COL1A2: variants seen among roughly 807,000 people sequenced by gnomAD.
COL1A2 encodes the protein collagen alpha-2(I) chain.
Under a neutral mutation model 174.3 loss-of-function variants are expected in COL1A2, and 49 were observed. The observed-to-expected ratio is 0.28, with a 90% CI of 0.22 to 0.36. The LOEUF (loss-of-function observed/expected upper bound fraction) is 0.36, where lower values mean the gene tolerates loss of function less well. Among genes scored for constraint, COL1A2 ranks in the 10% least tolerant of loss-of-function variants. The pLI, the probability that COL1A2 is intolerant of heterozygous loss-of-function variation, is 1.00. For missense variants in COL1A2, 1,438 were observed against 1,822.7 expected (o/e 0.79, Z 3.84); for synonymous variants, 655 against 606.6 (o/e 1.08, Z -1.17).
chr7:94,410,321 T>A (rs769790753), intron 20 of COL1A2, 26 bp downstream of exon 20: 3 of 1,613,544 alleles, frequency 1.9e-6, no homozygotes, highest in Non-Finnish European at 2.5e-6. Flanking sequence ...ATCACACTTT[T>A]ATAAAGTTAA....
chr7:94,410,838 C>A (rs745601526), intron 21 of COL1A2, 51 bp from the exon 22 acceptor site: 4 of 1,589,330 alleles, frequency 2.5e-6, no homozygotes, highest in Admixed American at 1.7e-5. Context: ...TCTACCTTAT[C>A]AAAGCCAAGA....
intron 5 of COL1A2, 96 bp downstream of exon 5, chr7:94,400,384 C>T (rs1205324082): frequency 1.9e-6 from 2 of 1,072,726 alleles, no homozygotes; most frequent in African/African-American, 1.6e-5. Flanking sequence ...ATAATTCTTC[C>T]ATTTGAAAAT....
chr7:94,428,591 G>A, intron 50 of COL1A2, 114 bp downstream of exon 50: 9 of 1,022,626 alleles, frequency 8.8e-6, no homozygotes, highest in Non-Finnish European at 1.3e-5. Context: ...AAAAAGACCT[G>A]TTCCTTTCCT....
At position 94,402,654 on chromosome 7, in the gene COL1A2, A is replaced by G. The variant is rs189395256; in HGVS notation, c.279+1034A>G. Reference sequence around the variant, plus strand: ...ATAGAGGGGAAAACTGCCAGAAGTCAAAGTGTTAGGTTGATTAAGCACTAC... The same window carrying G: ...ATAGAGGGGAAAACTGCCAGAAGTCGAAGTGTTAGGTTGATTAAGCACTAC... On this transcript the variant is annotated intron_variant, in intron 6 of 51. Transcript: ENST00000297268. Among the ~76,000 whole-genome samples, 9 of 152,276 alleles carry G rather than the reference A, an allele frequency of 5.9e-5. No homozygotes were observed. In the East Asian group the frequency reaches 1.4e-3, roughly 23 times the overall value.
At chr7:94,422,854 T>C in intron 39 of COL1A2, 103 bp from the exon 40 acceptor site, 1 of 1,351,704 alleles carries the variant, frequency 7.4e-7, no homozygotes, top group Non-Finnish European at 1.1e-6. Flanking sequence ...TATTATTTTA[T>C]TGCATCACAT....
In COL1A2 at chr7:94,422,715, CAT is replaced by C; in HGVS notation, c.2404-240_2404-239del. 5.8e-6 allele frequency: 3 copies of C among 520,536 alleles called. No homozygotes were observed. The South Asian group carries it at 6.4e-5, about 11-fold the overall frequency. 32.2% of individuals were successfully genotyped at this position (520,536 alleles called of 1,614,324 possible). A position where few individuals can be genotyped will look rare whatever the true frequency, so the allele number is the denominator to read the frequency against. On this transcript the variant is annotated intron_variant, in intron 39 of 51. Coordinates refer to ENST00000297268, the MANE Select transcript of COL1A2 (RefSeq NM_000089.4). ...CCAGTGGCATGACATTGTTTTTCCT[CAT>C]AGAAATTTGCCATAGTCTCTCCTCC...
chr7:94,397,550 A>T lies in COL1A2; in HGVS notation c.71-198A>T, dbSNP rs148578259. ...ACATTTACATATTAATATTGCAAAC[A>T]AATCACCCTGCTGATCCCTGCCATA... is the stretch of plus-strand genomic sequence containing the variant. On this transcript the variant is annotated intron_variant, in intron 1 of 51. Transcript: ENST00000297268. Among the ~76,000 whole-genome samples the T allele has an allele frequency of 4.1e-3, 628 of 152,182 alleles. 3 individuals carry two copies. The highest frequency in any genetic ancestry group is 0.015 in the African/African-American group (603 of 41,550).
In COL1A2 at chr7:94,408,325, TTTC is replaced by T; in HGVS notation, c.694-5_694-3del. 1 of 1,614,110 alleles carries T rather than the reference TTTC, an allele frequency of 6.2e-7. No homozygotes were observed. Among genetic ancestry groups the T allele is most frequent in the South Asian group, 1.1e-5 (1 of 91,076 alleles). ...AGTTTCCACCTGATCTTCCCTTTAT[TTTC>T]TTCTTAGGGTGCCCGTGGCAGTGAT... On this transcript the variant is annotated splice_polypyrimidine_tract_variant and splice_region_variant and intron_variant, in intron 14 of 51. Transcript: ENST00000297268.
chr7:94,412,202 C>G, intron 24 of COL1A2, 81 bp downstream of exon 24: 1 of 1,151,908 alleles, frequency 8.7e-7, no homozygotes, highest in Non-Finnish European at 1.3e-6. Context: ...CTTATTTATA[C>G]ATGAACACAT....
rs1248532646 is a variant in COL1A2 at position 94,398,362 on chromosome 7, T to G, written c.82-20T>G. On this transcript the variant is annotated intron_variant, in intron 2 of 51. Transcript: ENST00000297268. ...ATATACAATTTTCTTCATAATAATC[T>G]TTGATTTATTCTTTTCTAGGAAACT... The G allele has an allele frequency of 1.1e-6, 1 of 874,512 alleles. No individual in the cohort carries two copies. The highest frequency in any genetic ancestry group is 3.9e-5 in the East Asian group (1 of 25,950). The allele number at this position is 874,512 out of a possible 1,614,324, so 54.2% of individuals were successfully genotyped here.
At chr7:94,422,936 A>G (rs773217243) in intron 39 of COL1A2, 21 bp from the exon 40 acceptor site, 1 of 1,614,026 alleles carries the variant, frequency 6.2e-7, no homozygotes, top group Non-Finnish European at 8.5e-7. Flanking sequence ...AAAGGAAATG[A>G]CCTTGTACAT....
In COL1A2 at chr7:94,429,501, C is replaced by A. The variant is rs1286670238; in HGVS notation, c.3954+71C>A. On this transcript the variant is annotated intron_variant, in intron 51 of 51. Coordinates refer to ENST00000297268, the MANE Select transcript of COL1A2 (RefSeq NM_000089.4). ...AGGGGGTTCTAACTTAGACTGCCCC[C>A]AAGGGGGGGTCTAAAGGGGGGTTAA... The A allele has an allele frequency of 3.8e-6, 6 of 1,560,034 alleles. No homozygotes were observed. The African/African-American group carries it at 4.1e-5, about 11-fold the overall frequency.
intron 51 of COL1A2, 50 bp from the exon 52 acceptor site, chr7:94,430,197 G>C (rs1445937405): frequency 6.4e-7 from 1 of 1,569,454 alleles, no homozygotes; most frequent in South Asian, 1.1e-5. Flanking sequence ...GATATTATCA[G>C]ATTCAGAAAT....
chr7:94,412,435 A>G (rs1584321391), intron 24 of COL1A2, 149 bp from the exon 25 acceptor site: 1 of 699,178 alleles, frequency 1.4e-6, no homozygotes, highest in African/African-American at 1.8e-5. Flanking sequence ...TAGTTAGAAA[A>G]GGAAAATGGA....
chr7:94,409,697 G>T, intron 18 of COL1A2, 26 bp from the exon 19 acceptor site: 1 of 1,613,852 alleles, frequency 6.2e-7, no homozygotes, highest in Non-Finnish European at 8.5e-7. Flanking sequence ...CCTCCCTAAT[G>T]GACCACACTG....
In COL1A2 at chr7:94,421,973, G is replaced by A. The variant is rs202082357; in HGVS notation, c.2403+21G>A. The A allele has an allele frequency of 4.2e-5, 67 of 1,611,704 alleles. 1 individual carries two copies. In the African/African-American group the frequency reaches 6.0e-4, roughly 14 times the overall value. The stretch of plus-strand genomic sequence containing the variant: ...CCTCTGTAAGTAAATCACTGTAAAC[G>A]TGTCTTCATTTACTCTAGCCAAAAG... On this transcript the variant is annotated intron_variant, in intron 39 of 51. Transcript: ENST00000297268.
chr7:94,420,308 T>G (rs1048754274), intron 35 of COL1A2, 22 bp downstream of exon 35: 1 of 1,613,948 alleles, frequency 6.2e-7, no homozygotes, highest in Non-Finnish European at 8.5e-7. Flanking sequence ...CCTGGGTCAT[T>G]TTGTATACTC....
Position 94,405,789 on chromosome 7 carries a change from A to G in COL1A2, c.540+63A>G, listed in dbSNP as rs1791782581. 3.8e-6 allele frequency: 5 copies of G among 1,303,306 alleles called. No homozygotes were observed. The African/African-American group carries it at 4.4e-5, about 11-fold the overall frequency. 80.7% of individuals were successfully genotyped at this position (1,303,306 alleles called of 1,614,324 possible). On this transcript the variant is annotated intron_variant, in intron 11 of 51. Transcript: ENST00000297268. ...ATTAATTTTTGGAAAAAACTCAAGT[A>G]TGTTTAAAATCTTGGGTGACATATA... is the stretch of plus-strand genomic sequence containing the variant.
rs532334520 is a variant in COL1A2 at position 94,404,714 on chromosome 7, C to A, written c.346C>A (p.Pro116Thr). The change falls in exon 8 of 52, where the codon CCT (proline) becomes ACT (threonine). Residue 116 changes from proline (P) to threonine (T), a missense_variant. Pro to Thr is a conservative substitution (Grantham distance 38). This residue lies in a region of COL1A2 where 281 missense variants were observed against 310.9 expected (regional missense o/e 0.90). Transcript: ENST00000297268. ...GAPGPQGFQGPAGEPGEPGQT... is the reference protein window; with the variant it reads ...GAPGPQGFQGTAGEPGEPGQT... ...TTAGGGCCCTCAAGGTTTCCAAGGA[C>A]CTGCTGGTGAGCCTGGTGAACCTGG... The A allele has an allele frequency of 2.7e-5, 44 of 1,614,058 alleles. No individual in the cohort carries two copies. The South Asian group carries it at 4.2e-4, about 15-fold the overall frequency.
Sources: gnomAD v4.1 joint callset for allele counts (sites outside exome capture counted in the v4.1 genomes callset) on GRCh38, gnomAD v4.1.1 for gene constraint, gnomAD v4.1.1 regional missense constraint, MANE v1.5 for transcripts, NCBI Gene and HGNC (gene_info 2026-07-23, HGNC 2026-07-21) for gene names.